Variants in SGCZ observed in about 807,000 individuals in gnomAD.
The protein encoded by SGCZ is sarcoglycan zeta, also known as zeta-sarcoglycan.
In SGCZ, 40 loss-of-function variants were observed where a neutral mutation model predicts 41.3. The observed-to-expected ratio is 0.97, with a 90% confidence interval of 0.75 to 1.26. The LOEUF (loss-of-function observed/expected upper bound fraction) is 1.26, where lower values mean the gene tolerates loss of function less well. SGCZ is among the 50% of genes most tolerant of loss of function. SGCZ has a pLI of 0.00. For synonymous variants in SGCZ, 206 were observed against 137.5 expected, an observed-to-expected ratio of 1.50 and a Z score of -3.49; for missense variants, 552 against 369.8, an observed-to-expected ratio of 1.49 and a Z score of -4.04.
intron 1 of SGCZ, among the ~76,000 whole-genome samples, chr8:14,918,718 T>C (rs1202783818): frequency 6.6e-6 from 1 of 152,230 alleles, no homozygotes; most frequent in Non-Finnish European, 1.5e-5. Flanking sequence ...GAAGTCTTCA[T>C]TATTGTTCTG....
intron 1 of SGCZ, among the ~76,000 whole-genome samples, chr8:14,991,065 T>G (rs546410528): frequency 6.6e-6 from 1 of 152,292 alleles, no homozygotes; most frequent in African/African-American, 2.4e-5. Context: ...ATTAAAAATT[T>G]TCATGAGTTT....
chr8:14,759,687 G>A (rs1799799914), intron 1 of SGCZ, among the ~76,000 whole-genome samples: 1 of 152,096 alleles, frequency 6.6e-6, no homozygotes, highest in Non-Finnish European at 1.5e-5. Flanking sequence ...GGTACCCATG[G>A]CCAATTAGTC....
chr8:15,018,848 C>G (rs1803140791), intron 1 of SGCZ, among the ~76,000 whole-genome samples: 1 of 152,144 alleles, frequency 6.6e-6, no homozygotes, highest in Admixed American at 6.5e-5. Flanking sequence ...GGAAGCATGG[C>G]TGAGGAGATC....
intron 2 of SGCZ, among the ~76,000 whole-genome samples, chr8:14,404,014 G>C (rs893450612): frequency 1.3e-5 from 2 of 152,156 alleles, no homozygotes; most frequent in African/African-American, 4.8e-5. Context: ...AACAAGGAAA[G>C]AGAGAAGATG....
At chr8:14,284,612 G>A (rs1040023184) in intron 3 of SGCZ, among the ~76,000 whole-genome samples, 3 of 151,886 alleles carry the variant, frequency 2.0e-5, no homozygotes, top group Non-Finnish European at 4.4e-5. Flanking sequence ...ATTTAATATT[G>A]CTTTTGATAT....
chr8:14,345,702 G>T (rs115065680), intron 2 of SGCZ, among the ~76,000 whole-genome samples: 6 of 152,014 alleles, frequency 3.9e-5, no homozygotes, highest in African/African-American at 1.2e-4. Context: ...AGAGAAAAAG[G>T]TTCAACTCTA....
intron 2 of SGCZ, among the ~76,000 whole-genome samples, chr8:14,373,717 G>T (rs564105675): frequency 6.6e-6 from 1 of 152,134 alleles, no homozygotes; most frequent in Non-Finnish European, 1.5e-5. Flanking sequence ...GCAAAAGATA[G>T]AACAAAAGGC....
rs182210040 is a variant in SGCZ, at chr8:14,632,855, T to C, written c.40-77929A>G. Among the ~76,000 whole-genome samples, 2 of 151,930 alleles carry C rather than the reference T, an allele frequency of 1.3e-5. 1 individual carries two copies. Among genetic ancestry groups the C allele is most frequent in the East Asian group, 3.9e-4 (2 of 5,184 alleles). ...CATAGAGGAAATAGAAATAAATGAA[T>C]GGATAAAGGTAAATAAAATACATCA... On this transcript the variant is annotated intron_variant, in intron 1 of 7. Transcript: ENST00000382080.
chr8:15,073,251 A>G (rs1240559256), intron 1 of SGCZ, among the ~76,000 whole-genome samples: 1 of 152,176 alleles, frequency 6.6e-6, no homozygotes, highest in Non-Finnish European at 1.5e-5. Flanking sequence ...TTTAATAATC[A>G]TATCTTCACA....
At chr8:14,920,552 G>C (rs1253361162) in intron 1 of SGCZ, among the ~76,000 whole-genome samples, 1 of 152,042 alleles carries the variant, frequency 6.6e-6, no homozygotes, top group African/African-American at 2.4e-5. Context: ...ATAGACTGGA[G>C]GGTAAGTCAA....
chr8:14,551,569 AATATATATATAATATATATAATATATATT>A (rs1563404821), intron 2 of SGCZ, among the ~76,000 whole-genome samples: 228 of 18,370 alleles, frequency 0.012, 14 homozygotes, highest in African/African-American at 0.065. Context: ...TTATATATAT[AATATATATATAATATATATAATATATATT>A]ATATATATTA....
chr8:14,225,863 C>T (rs1486333775), intron 4 of SGCZ, among the ~76,000 whole-genome samples: 1 of 152,012 alleles, frequency 6.6e-6, no homozygotes, highest in African/African-American at 2.4e-5. Flanking sequence ...TGAGTTATTT[C>T]AATAATGAGA....
intron 5 of SGCZ, among the ~76,000 whole-genome samples, chr8:14,134,293 A>C (rs2117064612): frequency 6.6e-6 from 1 of 152,256 alleles, no homozygotes; most frequent in South Asian, 2.1e-4. Context: ...TCATCAAATA[A>C]TTTTTGTCCT....
chr8:14,547,364 G>A (rs1803663135), intron 2 of SGCZ, among the ~76,000 whole-genome samples: 1 of 152,144 alleles, frequency 6.6e-6, no homozygotes, highest in Admixed American at 6.6e-5. Flanking sequence ...TCTGCTTAGT[G>A]TCATCAAAAT....
At chr8:14,485,835 T>TTTTTTTG (rs1801656986) in intron 2 of SGCZ, among the ~76,000 whole-genome samples, 1 of 61,802 alleles carries the variant, frequency 1.6e-5, no homozygotes, top group African/African-American at 7.6e-5. Context: ...CTAGAACAAT[T>TTTTTTTG]TTTTTTTTTT....
chr8:14,371,167 T>C (rs1726130466), intron 2 of SGCZ, among the ~76,000 whole-genome samples: 2 of 152,014 alleles, frequency 1.3e-5, no homozygotes, highest in Non-Finnish European at 2.9e-5. Context: ...TTTTATTAAA[T>C]TTGGAATTTA....
At chr8:14,797,754 G>A (rs982249304) in intron 1 of SGCZ, among the ~76,000 whole-genome samples, 1 of 152,266 alleles carries the variant, frequency 6.6e-6, no homozygotes, top group Middle Eastern at 3.4e-3. Flanking sequence ...TGGTTTCCTG[G>A]GGTGGGTCCA....
chr8:15,081,946 G>A (rs1039533620), intron 1 of SGCZ, among the ~76,000 whole-genome samples: 1 of 152,178 alleles, frequency 6.6e-6, no homozygotes, highest in African/African-American at 2.4e-5. Context: ...ATACTATAAT[G>A]TCCTGTACAG....
intron 2 of SGCZ, among the ~76,000 whole-genome samples, chr8:14,379,882 C>T (rs1203946745): frequency 2.0e-5 from 3 of 152,028 alleles, no homozygotes; most frequent in African/African-American, 7.2e-5. Context: ...CAAGAGTGTG[C>T]CACCACGCCC....
Sources: allele counts gnomAD v4.1 joint callset (sites outside exome capture counted in the v4.1 genomes callset), GRCh38; gene constraint gnomAD v4.1.1; transcripts MANE v1.5; gene names NCBI Gene and HGNC (gene_info 2026-07-23, HGNC 2026-07-21).